MAP2: variants seen among roughly 807,000 people sequenced by gnomAD.
MAP2 encodes the protein microtubule-associated protein 2.
A neutral mutation model predicts 137.6 loss-of-function variants in MAP2; 14 were observed. The ratio of observed to expected loss-of-function variants is 0.10; its 90% CI spans 0.07 to 0.16. The LOEUF (loss-of-function observed/expected upper bound fraction) is 0.16. Among genes scored for constraint, MAP2 ranks in the 10% least tolerant of loss-of-function variants. The pLI, the probability that MAP2 is intolerant of heterozygous loss-of-function variation, is 1.00. For synonymous variants in MAP2, 786 were observed against 782.3 expected (o/e 1.00, Z -0.08); for missense variants, 2,088 against 2,191.5 (o/e 0.95, Z 0.94).
chr2:209,528,720 A>G (rs899529168), intron 2 of MAP2, among the ~76,000 whole-genome samples: 1 of 151,282 alleles, frequency 6.6e-6, no homozygotes, highest in Non-Finnish European at 1.5e-5. Context: ...ATATACATGT[A>G]TATGTACATA....
chr2:209,566,698 C>T (rs1040027208), intron 2 of MAP2, among the ~76,000 whole-genome samples: 5 of 152,066 alleles, frequency 3.3e-5, no homozygotes, highest in Non-Finnish European at 7.4e-5. Flanking sequence ...TCACAACCCC[C>T]GTTTGTTTCT....
chr2:209,661,852 T>C (rs150091577), intron 5 of MAP2, among the ~76,000 whole-genome samples: 2 of 152,326 alleles, frequency 1.3e-5, no homozygotes, highest in East Asian at 3.9e-4. Context: ...CTTTTATTCT[T>C]GATACAATAT....
intron 5 of MAP2, among the ~76,000 whole-genome samples, chr2:209,662,939 GTTT>G: frequency 6.7e-6 from 1 of 149,286 alleles, no homozygotes; most frequent in East Asian, 2.0e-4. Context: ...GCAATAATGT[GTTT>G]TTAAGTGTGA....
intron 13 of MAP2, among the ~76,000 whole-genome samples, chr2:209,716,018 C>T (rs1195413504): frequency 6.6e-6 from 1 of 152,176 alleles, no homozygotes. Context: ...GTCTGCTCTG[C>T]ACTACCTTAG....
chr2:209,520,414 G>A (rs970016964), intron 2 of MAP2, among the ~76,000 whole-genome samples: 2 of 151,762 alleles, frequency 1.3e-5, no homozygotes, highest in Admixed American at 6.6e-5. Flanking sequence ...TTTTGTGTGC[G>A]AATGTAATTA....
chr2:209,604,373 C>T (rs2083957336), intron 3 of MAP2, among the ~76,000 whole-genome samples: 2 of 152,076 alleles, frequency 1.3e-5, no homozygotes, highest in Non-Finnish European at 2.9e-5. Context: ...GACCTTAACA[C>T]AGGGTGTACA....
At position 209,731,260 on chromosome 2, in the gene MAP2, C is replaced by T. The variant is rs1464513871; in HGVS notation, c.*863C>T. On this transcript the variant is annotated 3_prime_UTR_variant, in exon 16 of 16. Transcript: ENST00000682079. ...TTCTTTATTCACAGTATCTGTGTCT[C>T]CTGCACCCTTTGGTGTTGCAATTTT... 6.6e-6 allele frequency: 1 copy of T among 152,230 alleles called. No individual in the cohort carries two copies. The highest frequency in any genetic ancestry group is 1.5e-5 in the Non-Finnish European group (1 of 68,016). The allele number at this position is 152,230 out of a possible 1,614,324, so 9.4% of individuals were successfully genotyped here.
At chr2:209,430,787 A>G (rs1694041762) in intron 1 of MAP2, among the ~76,000 whole-genome samples, 2 of 152,158 alleles carry the variant, frequency 1.3e-5, no homozygotes, top group Non-Finnish European at 2.9e-5. Flanking sequence ...AACATCAGAA[A>G]CCAGGACTGA....
chr2:209,434,917 A>ATGTG (rs1553536950), intron 1 of MAP2, among the ~76,000 whole-genome samples: 6 of 133,716 alleles, frequency 4.5e-5, no homozygotes, highest in African/African-American at 1.4e-4. Flanking sequence ...TGTTATATAT[A>ATGTG]TGTTATATAT....
intron 1 of MAP2, among the ~76,000 whole-genome samples, chr2:209,490,200 A>G (rs138436203): frequency 0.022 from 3,351 of 152,300 alleles, 45 homozygotes; most frequent in Non-Finnish European, 0.033. Flanking sequence ...CAAAGAAGAA[A>G]TAAAATCCTT....
intron 2 of MAP2, among the ~76,000 whole-genome samples, chr2:209,568,276 A>G (rs288081): frequency 0.33 from 50,612 of 151,820 alleles, 14,489 homozygotes; most frequent in African/African-American, 0.78. Flanking sequence ...TTTTTGGAAT[A>G]TGGATTTCAG....
chr2:209,637,118 T>A (rs2093634261), intron 4 of MAP2, among the ~76,000 whole-genome samples: 1 of 152,168 alleles, frequency 6.6e-6, no homozygotes, highest in African/African-American at 2.4e-5. Context: ...TATTCTGCTT[T>A]TCTCAGCTCA....
chr2:209,439,564 C>G (rs1697238551), intron 1 of MAP2, among the ~76,000 whole-genome samples: 1 of 151,250 alleles, frequency 6.6e-6, no homozygotes, highest in African/African-American at 2.4e-5. Context: ...ATCTGGAAGT[C>G]AAATTAAAGC....
In MAP2 at chr2:209,731,313, G is replaced by T. The variant is rs998115044; in HGVS notation, c.*916G>T. 1 of 152,072 alleles carries T rather than the reference G, an allele frequency of 6.6e-6. No homozygotes were observed. The highest frequency in any genetic ancestry group is 2.4e-5 in the African/African-American group (1 of 41,312). 9.4% of individuals were successfully genotyped at this position (152,072 alleles called of 1,614,324 possible). A position where few individuals can be genotyped will look rare whatever the true frequency, so the allele number is the denominator to read the frequency against. On this transcript the variant is annotated 3_prime_UTR_variant, in exon 16 of 16. Transcript: ENST00000682079. ...ATATGTGAAAGTAGATGTTAGCAGG[G>T]TTCTCTCCCTATTTAAAAAAAATAC... is the stretch of plus-strand genomic sequence containing the variant.
At chr2:209,460,638 T>G (rs1702550675) in intron 1 of MAP2, among the ~76,000 whole-genome samples, 1 of 151,996 alleles carries the variant, frequency 6.6e-6, no homozygotes, top group African/African-American at 2.4e-5. Context: ...TTTTTTCTCT[T>G]TCTTTTCACT....
intron 7 of MAP2, among the ~76,000 whole-genome samples, chr2:209,682,579 A>T (rs1030549466): frequency 6.6e-6 from 1 of 152,166 alleles, no homozygotes; most frequent in African/African-American, 2.4e-5. Flanking sequence ...ATTAGCATTG[A>T]AGAGGAAAAG....
rs1231273205 is a variant in MAP2 at position 209,517,653 on chromosome 2, A to G, written c.-172+10012A>G. Among the ~76,000 whole-genome samples, 3 of 152,036 alleles carry G rather than the reference A, an allele frequency of 2.0e-5. No individual in the cohort carries two copies. In the East Asian group the frequency reaches 5.8e-4, roughly 29 times the overall value. On this transcript the variant is annotated intron_variant, in intron 2 of 15. Transcript: ENST00000682079. ...TTTATTTCATCATTTTGACATAGCC[A>G]TAAATGGTATCCCACATAGATATTC...
At chr2:209,536,823 A>G (rs1034748506) in intron 2 of MAP2, among the ~76,000 whole-genome samples, 1 of 152,216 alleles carries the variant, frequency 6.6e-6, no homozygotes, top group East Asian at 1.9e-4. Context: ...GTCAGACAGA[A>G]CATAAATTTA....
chr2:209,505,963 C>G (rs750385656), intron 1 of MAP2, among the ~76,000 whole-genome samples: 1 of 151,858 alleles, frequency 6.6e-6, no homozygotes, highest in Non-Finnish European at 1.5e-5. Context: ...CAGAGTGAGA[C>G]CCTGTCTCAA....
Sources: allele counts gnomAD v4.1 joint callset (sites outside exome capture counted in the v4.1 genomes callset), GRCh38; gene constraint gnomAD v4.1.1; transcripts MANE v1.5; gene names NCBI Gene and HGNC (gene_info 2026-07-23, HGNC 2026-07-21).